GUCY1A2: variants seen among roughly 807,000 people sequenced by gnomAD.
GUCY1A2 encodes the protein guanylate cyclase soluble subunit alpha-2.
GUCY1A2 carries 27 observed loss-of-function variants against 63.5 expected under a neutral mutation model. That is an observed-to-expected ratio of 0.43 (90% CI 0.31 to 0.59). GUCY1A2 has a LOEUF of 0.59. Among genes scored for constraint, GUCY1A2 ranks in the 20% least tolerant of loss-of-function variants. The pLI is 0.11. For synonymous variants in GUCY1A2, 364 were observed against 343.5 expected, an observed-to-expected ratio of 1.06 and a Z score of -0.66; for missense variants, 768 against 913.3, an observed-to-expected ratio of 0.84 and a Z score of 2.05.
chr11:106,940,130 T>C lies in GUCY1A2; in HGVS notation c.536A>G (p.Asn179Ser), dbSNP rs746437486. The C allele has an allele frequency of 3.7e-6, 6 of 1,608,330 alleles. No homozygotes were observed. The South Asian group carries it at 4.4e-5, about 12-fold the overall frequency. ...IQKRFGEEFF[N>S]ICFHENERVL... ...TCTCTCATTCTCATGAAAGCATATA[T>C]TAAAGAACTCTTCACCAAATCTTTT... Residue 179 changes from asparagine (N) to serine (S), a missense_variant, in exon 4 of 8, where the codon AAT (asparagine) becomes AGT (serine). Coordinates refer to ENST00000526355, the MANE Select transcript of GUCY1A2 (RefSeq NM_000855.3).
intron 4 of GUCY1A2, among the ~76,000 whole-genome samples, chr11:106,878,883 G>T (rs1859787528): frequency 6.6e-6 from 1 of 151,788 alleles, no homozygotes; most frequent in Admixed American, 6.6e-5. Context: ...CTTAATTCTG[G>T]CTTTGTAAAA....
intron 6 of GUCY1A2, among the ~76,000 whole-genome samples, chr11:106,769,031 A>G (rs1015873222): frequency 1.3e-5 from 2 of 152,160 alleles, no homozygotes; most frequent in African/African-American, 4.8e-5. Context: ...GCTAACTGCT[A>G]GAGCCCCTAG....
rs1213589255 is a variant in GUCY1A2, at chr11:106,756,878, A to AT, written c.1836+19560dup. Among the ~76,000 whole-genome samples the AT allele has an allele frequency of 5.3e-5, 8 of 152,142 alleles. No individual in the cohort carries two copies. In the East Asian group the frequency reaches 1.5e-3, roughly 29 times the overall value. Reference sequence around the variant, plus strand: ...TTGTGGTGGTCTCTGTATTTCCTGAATTTGAATGTTGGCCTGCCTTGCTAG... The same window carrying AT: ...TTGTGGTGGTCTCTGTATTTCCTGAATTTTGAATGTTGGCCTGCCTTGCTAG... On this transcript the variant is annotated intron_variant, in intron 6 of 7. Coordinates refer to ENST00000526355, the MANE Select transcript of GUCY1A2 (RefSeq NM_000855.3).
chr11:106,903,370 A>G lies in GUCY1A2; in HGVS notation c.1206+36090T>C, dbSNP rs184396247. Among the ~76,000 whole-genome samples the G allele has an allele frequency of 1.4e-3, 207 of 152,248 alleles. 2 individuals are homozygous for G. Among genetic ancestry groups the G allele is most frequent in the African/African-American group, 4.8e-3 (200 of 41,554 alleles). ...CTTTGACCTTTACTGAACTATCTCTAGAGAAACAATGATATGGAATTTCTT... is the reference window on the plus strand; with the variant it reads ...CTTTGACCTTTACTGAACTATCTCTGGAGAAACAATGATATGGAATTTCTT... On this transcript the variant is annotated intron_variant, in intron 4 of 7. Coordinates refer to ENST00000526355, the MANE Select transcript of GUCY1A2 (RefSeq NM_000855.3).
At chr11:106,983,474 G>C (rs1169523689) in intron 2 of GUCY1A2, among the ~76,000 whole-genome samples, 1 of 152,178 alleles carries the variant, frequency 6.6e-6, no homozygotes, top group East Asian at 1.9e-4. Context: ...TGAAGTCTCA[G>C]TCTTGGCAGA....
intron 2 of GUCY1A2, among the ~76,000 whole-genome samples, chr11:106,985,405 GCTCT>G (rs551471458): frequency 2.5e-4 from 38 of 152,176 alleles, no homozygotes; most frequent in Non-Finnish European, 4.4e-4. Flanking sequence ...CTCATTTGGA[GCTCT>G]CTGTTTACAA....
chr11:106,834,620 C>T (rs1184527665), intron 4 of GUCY1A2, among the ~76,000 whole-genome samples: 3 of 151,868 alleles, frequency 2.0e-5, no homozygotes, highest in East Asian at 1.9e-4. Flanking sequence ...GAAAAACAAA[C>T]AAAAAAAGTA....
In GUCY1A2 at chr11:106,686,324, T is replaced by G. The variant is rs112707023; in HGVS notation, c.*1225A>C. ...TACTAGTTCTGAAGATTATACCTAC[T>G]TCAGTATTCATGAAAGTGATTCACT... is the stretch of plus-strand genomic sequence containing the variant. On this transcript the variant is annotated 3_prime_UTR_variant, in exon 8 of 8. Transcript: ENST00000526355. 5.7e-3 allele frequency: 1,252 copies of G among 219,798 alleles called. 10 individuals are homozygous for G. The highest frequency in any genetic ancestry group is 6.8e-3 in the Non-Finnish European group (746 of 109,502). The allele number at this position is 219,798 out of a possible 1,614,324, so 13.6% of individuals were successfully genotyped here. A position where few individuals can be genotyped will look rare whatever the true frequency, so the allele number is the denominator to read the frequency against.
At chr11:106,698,608 A>G (rs1287848529) in intron 7 of GUCY1A2, among the ~76,000 whole-genome samples, 1 of 152,186 alleles carries the variant, frequency 6.6e-6, no homozygotes, top group East Asian at 1.9e-4. Context: ...ACCTGGGTAC[A>G]TTTGTCAAAA....
rs1303605059 is a variant in GUCY1A2 at position 106,683,610 on chromosome 11, G to A, written c.*3939C>T. On this transcript the variant is annotated 3_prime_UTR_variant, in exon 8 of 8. Coordinates refer to ENST00000526355, the MANE Select transcript of GUCY1A2 (RefSeq NM_000855.3). The stretch of plus-strand genomic sequence containing the variant: ...GCCATTCTGGGTTCAGAAGTGAAGA[G>A]AGAATGCTGTTTGCTGTGGCCAGGC... The A allele has an allele frequency of 8.8e-6, 2 of 228,250 alleles. No individual in the cohort carries two copies. The highest frequency in any genetic ancestry group is 1.7e-5 in the Non-Finnish European group (2 of 114,868). The allele number at this position is 228,250 out of a possible 1,614,324, so 14.1% of individuals were successfully genotyped here. A position where few individuals can be genotyped will look rare whatever the true frequency, so the allele number is the denominator to read the frequency against.
chr11:106,976,855 C>T (rs1224142521), intron 3 of GUCY1A2, among the ~76,000 whole-genome samples: 1 of 152,162 alleles, frequency 6.6e-6, no homozygotes, highest in Admixed American at 6.5e-5. Flanking sequence ...GTTCTTCTCA[C>T]TCACTACTTA....
At chr11:106,767,633 C>A (rs1864186064) in intron 6 of GUCY1A2, among the ~76,000 whole-genome samples, 1 of 152,088 alleles carries the variant, frequency 6.6e-6, no homozygotes, top group Admixed American at 6.6e-5. Context: ...GTCTCATTGA[C>A]ATACACATCA....
chr11:106,795,884 T>C (rs531261614), intron 5 of GUCY1A2, among the ~76,000 whole-genome samples: 8 of 152,102 alleles, frequency 5.3e-5, no homozygotes, highest in Admixed American at 3.9e-4. Flanking sequence ...TAGAATCTCA[T>C]AGAATCTAAT....
At position 106,931,237 on chromosome 11, in the gene GUCY1A2, A is replaced by G. The variant is rs568162441; in HGVS notation, c.1206+8223T>C. 6.6e-5 allele frequency among the ~76,000 whole-genome samples: 10 copies of G among 152,292 alleles called. 1 individual carries two copies. Among genetic ancestry groups the G allele is most frequent in the African/African-American group, 2.4e-4 (10 of 41,572 alleles). Reference sequence around the variant, plus strand: ...CATATTTAACTAAAGAAATTACACCAATGACTAAAAAGTATAAGAAAAGAT... The same window carrying G: ...CATATTTAACTAAAGAAATTACACCGATGACTAAAAAGTATAAGAAAAGAT... On this transcript the variant is annotated intron_variant, in intron 4 of 7. Coordinates refer to ENST00000526355, the MANE Select transcript of GUCY1A2 (RefSeq NM_000855.3).
intron 6 of GUCY1A2, among the ~76,000 whole-genome samples, chr11:106,742,590 A>G (rs1227999576): frequency 6.6e-6 from 1 of 152,158 alleles, no homozygotes; most frequent in Non-Finnish European, 1.5e-5. Context: ...CAGCCTATCA[A>G]TGATGGGCAT....
At chr11:106,827,583 T>C in intron 4 of GUCY1A2, 9 of 1,459,994 alleles carry the variant, frequency 6.2e-6, no homozygotes, top group South Asian at 2.3e-5. Context: ...TACATGCTGA[T>C]TGCCATCTTC....
chr11:106,871,771 G>A (rs1174529642), intron 4 of GUCY1A2, among the ~76,000 whole-genome samples: 1 of 152,076 alleles, frequency 6.6e-6, no homozygotes, highest in Non-Finnish European at 1.5e-5. Context: ...TTTGCTTTAA[G>A]GTTATTATAC....
chr11:106,818,825 G>A (rs1347855378), intron 4 of GUCY1A2, among the ~76,000 whole-genome samples: 1 of 152,104 alleles, frequency 6.6e-6, no homozygotes, highest in East Asian at 1.9e-4. Flanking sequence ...TAGTATGCAT[G>A]GAAGATCAAA....
intron 3 of GUCY1A2, among the ~76,000 whole-genome samples, chr11:106,952,292 G>T (rs888732085): frequency 2.0e-5 from 3 of 152,188 alleles, no homozygotes; most frequent in African/African-American, 7.2e-5. Context: ...ATGGTAGTTT[G>T]ATGTGAATAG....
Sources: gnomAD v4.1 joint callset for allele counts (sites outside exome capture counted in the v4.1 genomes callset) on GRCh38, gnomAD v4.1.1 for gene constraint, MANE v1.5 for transcripts, NCBI Gene and HGNC (gene_info 2026-07-23, HGNC 2026-07-21) for gene names.